Variants in TFG observed in about 807,000 individuals in gnomAD.
TFG encodes the protein protein TFG.
A neutral mutation model predicts 51.4 loss-of-function variants in TFG; 22 were observed. The observed-to-expected ratio is 0.43, with a 90% confidence interval of 0.31 to 0.61. The LOEUF is 0.61. Ranked by LOEUF, TFG falls within the 20% of genes least tolerant of loss-of-function variation. The probability of loss-of-function intolerance (pLI) is 0.12; values close to 1 mark genes in which losing one functional copy is unlikely to be tolerated. For synonymous variants in TFG, 187 were observed against 165.6 expected, an observed-to-expected ratio of 1.13 and a Z score of -0.99; for missense variants, 419 against 487.7, an observed-to-expected ratio of 0.86 and a Z score of 1.33.
intron 6 of TFG, chr3:100,743,094 A>G (rs2095125732): frequency 6.6e-6 from 1 of 152,180 alleles, no homozygotes; most frequent in African/African-American, 2.4e-5. Context: ...TGACTTTATA[A>G]ACTAAAGCTT....
At chr3:100,728,671 A>G (rs1257755120) in intron 3 of TFG, 41 bp from the exon 4 acceptor site, 1 of 1,518,892 alleles carries the variant, frequency 6.6e-7, no homozygotes, top group African/African-American at 1.4e-5. Flanking sequence ...ATACTTATTC[A>G]TGAACTTCTA....
chr3:100,736,299 A>G (rs1219064746), intron 5 of TFG, among the ~76,000 whole-genome samples: 1 of 152,108 alleles, frequency 6.6e-6, no homozygotes, highest in African/African-American at 2.4e-5. Flanking sequence ...GGATATTGGC[A>G]TTGCAGACAT....
At chr3:100,740,413 A>G (rs1403373537) in intron 6 of TFG, among the ~76,000 whole-genome samples, 2 of 152,138 alleles carry the variant, frequency 1.3e-5, no homozygotes, top group African/African-American at 4.8e-5. Context: ...ACCTCATGAC[A>G]TGACAGCTTC....
At chr3:100,731,858 A>G (rs1423194913) in intron 4 of TFG, among the ~76,000 whole-genome samples, 4 of 152,164 alleles carry the variant, frequency 2.6e-5, no homozygotes, top group Admixed American at 6.5e-5. Flanking sequence ...CCCCTCCTGT[A>G]TTATTTTGAT....
chr3:100,726,906 G>A (rs1015188325), intron 3 of TFG, among the ~76,000 whole-genome samples: 1 of 152,168 alleles, frequency 6.6e-6, no homozygotes, highest in Non-Finnish European at 1.5e-5. Flanking sequence ...ATCTTATCTA[G>A]AAGGTGAGAG....
chr3:100,729,438 A>G (rs2149079060), intron 4 of TFG, among the ~76,000 whole-genome samples: 1 of 152,324 alleles, frequency 6.6e-6, no homozygotes, highest in Non-Finnish European at 1.5e-5. Flanking sequence ...AAAATGTGTC[A>G]ACATTTGGAA....
chr3:100,726,355 A>G (rs940390644), intron 3 of TFG, among the ~76,000 whole-genome samples: 1 of 152,182 alleles, frequency 6.6e-6, no homozygotes, highest in African/African-American at 2.4e-5. Flanking sequence ...ACCAACACTG[A>G]AGATGGGTCT....
intron 6 of TFG, among the ~76,000 whole-genome samples, 196 bp downstream of exon 6, chr3:100,736,912 A>G (rs892748500): frequency 1.3e-5 from 2 of 152,220 alleles, no homozygotes; most frequent in Non-Finnish European, 2.9e-5. Flanking sequence ...AATGAAAAAA[A>G]TACCTCAAAA....
chr3:100,741,601 A>G lies in TFG; in HGVS notation c.722-3232A>G, dbSNP rs201620598. ...TGGAATTTTAAAAAATAAATGTAGT[A>G]TAGCCTAAGTGTATAGCGTTTGTAA... On this transcript the variant is annotated intron_variant, in intron 6 of 7. Coordinates refer to ENST00000240851, the MANE Select transcript of TFG (RefSeq NM_006070.6). Among the ~76,000 whole-genome samples the G allele has an allele frequency of 1.1e-4, 16 of 152,320 alleles. 1 individual carries two copies. In the East Asian group the frequency reaches 2.3e-3, roughly 22 times the overall value.
chr3:100,727,101 A>G (rs747685403), intron 3 of TFG, among the ~76,000 whole-genome samples: 2 of 152,202 alleles, frequency 1.3e-5, no homozygotes, highest in Admixed American at 6.5e-5. Flanking sequence ...CTGTTGATCT[A>G]TCACAGATTA....
In TFG at chr3:100,748,714, T is replaced by A; in HGVS notation, c.*183T>A. The A allele has an allele frequency of 1.5e-6, 1 of 659,020 alleles. No homozygotes were observed. Among genetic ancestry groups the A allele is most frequent in the Non-Finnish European group, 2.4e-6 (1 of 415,524 alleles). The allele number at this position is 659,020 out of a possible 1,614,324, so 40.8% of individuals were successfully genotyped here. A position where few individuals can be genotyped will look rare whatever the true frequency, so the allele number is the denominator to read the frequency against. ...AACACAAAGACCAAAATGAAAGTTT[T>A]TTCCTCCCTGCTTAAAAATGTAGCA... On this transcript the variant is annotated 3_prime_UTR_variant, in exon 8 of 8. Transcript: ENST00000240851.
chr3:100,740,198 T>C (rs1182789250), intron 6 of TFG, among the ~76,000 whole-genome samples: 2 of 151,844 alleles, frequency 1.3e-5, no homozygotes, highest in African/African-American at 4.8e-5. Flanking sequence ...TCCCAAAACA[T>C]AGATACTTAG....
At chr3:100,714,892 A>G (rs1186261690) in intron 2 of TFG, among the ~76,000 whole-genome samples, 2 of 152,258 alleles carry the variant, frequency 1.3e-5, no homozygotes, top group Admixed American at 6.5e-5. Flanking sequence ...CGGCAAACAC[A>G]CTGAGTAGAA....
chr3:100,709,293 T>A (rs1335213260), upstream of TFG: 1 of 152,264 alleles, frequency 6.6e-6, no homozygotes, highest in Non-Finnish European at 1.5e-5. Context: ...AAGTGCGTGG[T>A]CACGCCCCGC....
chr3:100,736,581 C>T lies in TFG; in HGVS notation c.586C>T (p.Pro196Ser), dbSNP rs2095106974. Residue 196 changes from proline (P) to serine (S), a missense_variant, in exon 6 of 8, where the codon CCC (proline) becomes TCC (serine). This residue lies in a region of TFG where 391 missense variants were observed against 434.4 expected (regional missense o/e 0.90). Transcript: ENST00000240851. The stretch of plus-strand genomic sequence containing the variant: ...ACTTTTTTTTGACTATCCAGGGCCA[C>T]CCAGTGCTCCTGCAGAAGATCGTTC... ...GLTDDQVSGP[P>S]SAPAEDRSGT... is the part of the protein sequence containing the mutation. The T allele has an allele frequency of 6.2e-7, 1 of 1,613,786 alleles. No homozygotes were observed. The highest frequency in any genetic ancestry group is 8.5e-7 in the Non-Finnish European group (1 of 1,179,904).
intron 4 of TFG, 81 bp from the exon 5 acceptor site, chr3:100,732,427 A>G (rs528950835): frequency 1.1e-6 from 1 of 932,210 alleles, no homozygotes; most frequent in Non-Finnish European, 1.6e-6. Flanking sequence ...ATACACCTGC[A>G]TTATTTCCCT....
intron 6 of TFG, 114 bp from the exon 7 acceptor site, chr3:100,744,719 G>A: frequency 1.6e-6 from 1 of 637,382 alleles, no homozygotes; most frequent in East Asian, 2.7e-5. Context: ...ATACTTTCTT[G>A]TATATTGTTA....
intron 3 of TFG, among the ~76,000 whole-genome samples, chr3:100,721,796 A>C (rs1295323696): frequency 2.0e-5 from 3 of 152,250 alleles, no homozygotes; most frequent in Non-Finnish European, 4.4e-5. Flanking sequence ...CAACAACTTC[A>C]GTTAAGATAT....
At chr3:100,714,455 G>T (rs1377852307) in intron 2 of TFG, among the ~76,000 whole-genome samples, 1 of 151,592 alleles carries the variant, frequency 6.6e-6, no homozygotes, top group Non-Finnish European at 1.5e-5. Context: ...AGCCAAGATC[G>T]TGCCACTGCA....
Sources: gnomAD v4.1 joint callset for allele counts (sites outside exome capture counted in the v4.1 genomes callset) on GRCh38, gnomAD v4.1.1 for gene constraint, gnomAD v4.1.1 regional missense constraint, MANE v1.5 for transcripts, NCBI Gene and HGNC (gene_info 2026-07-23, HGNC 2026-07-21) for gene names.